ADCY3: variants seen among roughly 807,000 people sequenced by gnomAD.
ADCY3 encodes adenylate cyclase 3.
In ADCY3, 70 loss-of-function variants were observed where a neutral mutation model predicts 119.4. That is an observed-to-expected ratio of 0.59 (90% CI 0.48 to 0.72). The LOEUF (loss-of-function observed/expected upper bound fraction) is 0.72. Ranked by LOEUF, ADCY3 falls within the 30% of genes least tolerant of loss-of-function variation. ADCY3 has a pLI of 0.00. For missense variants in ADCY3, 1,238 were observed against 1,541.6 expected (o/e 0.80, Z 3.30); for synonymous variants, 672 against 621.4 (o/e 1.08, Z -1.21).
intron 3 of ADCY3, among the ~76,000 whole-genome samples, chr2:24,864,548 G>C (rs1309335589): frequency 6.6e-6 from 1 of 152,226 alleles, no homozygotes; most frequent in African/African-American, 2.4e-5. Context: ...TAACGGGAAA[G>C]AAATGCTGAT....
intron 3 of ADCY3, among the ~76,000 whole-genome samples, chr2:24,858,176 G>GT (rs1023439279): frequency 2.8e-5 from 4 of 141,588 alleles, no homozygotes; most frequent in Admixed American, 1.4e-4. Flanking sequence ...TTTTTTTTAA[G>GT]TTTTTTTGTA....
chr2:24,894,607 T>C (rs1284769580), intron 2 of ADCY3, among the ~76,000 whole-genome samples: 1 of 152,206 alleles, frequency 6.6e-6, no homozygotes, highest in Non-Finnish European at 1.5e-5. Context: ...CCAAAGTACC[T>C]TGTTTATATT....
intron 3 of ADCY3, among the ~76,000 whole-genome samples, chr2:24,864,681 G>A (rs1392798093): frequency 6.6e-6 from 1 of 152,218 alleles, no homozygotes; most frequent in Admixed American, 6.5e-5. Context: ...CAGAGACACA[G>A]TAGAACAGTG....
intron 2 of ADCY3, among the ~76,000 whole-genome samples, chr2:24,906,814 C>A (rs745327569): frequency 2.0e-5 from 3 of 152,334 alleles, no homozygotes; most frequent in East Asian, 3.9e-4. Flanking sequence ...GGTGACCAGG[C>A]CTTGAGCAAT....
chr2:24,915,246 C>A (rs984575231), intron 2 of ADCY3, among the ~76,000 whole-genome samples: 1 of 152,204 alleles, frequency 6.6e-6, no homozygotes, highest in Non-Finnish European at 1.5e-5. Flanking sequence ...GAGTCCCCAG[C>A]CAGAGCCGAC....
At chr2:24,825,779 T>G in intron 16 of ADCY3, 1 of 502,364 alleles carries the variant, frequency 2.0e-6, no homozygotes, top group South Asian at 2.5e-5. Flanking sequence ...TGTTTGTGCC[T>G]TCACTCTATC....
At chr2:24,904,181 A>G (rs562956044) in intron 2 of ADCY3, among the ~76,000 whole-genome samples, 1 of 152,070 alleles carries the variant, frequency 6.6e-6, no homozygotes, top group Non-Finnish European at 1.5e-5. Flanking sequence ...GAGAGAGAGA[A>G]AGAAAGAGAG....
chr2:24,852,239 A>G (rs1170554617), intron 3 of ADCY3, among the ~76,000 whole-genome samples: 1 of 152,100 alleles, frequency 6.6e-6, no homozygotes, highest in Non-Finnish European at 1.5e-5. Context: ...TGTGTCTCCC[A>G]GCACCCCGGT....
chr2:24,874,026 C>T (rs1234126485), intron 2 of ADCY3, among the ~76,000 whole-genome samples: 1 of 152,182 alleles, frequency 6.6e-6, no homozygotes, highest in African/African-American at 2.4e-5. Context: ...GTCTAACAGA[C>T]AACAAGGGAA....
intron 2 of ADCY3, among the ~76,000 whole-genome samples, chr2:24,876,324 G>A (rs560574565): frequency 8.5e-5 from 13 of 152,244 alleles, no homozygotes; most frequent in Admixed American, 2.0e-4. Flanking sequence ...AGATAGTCAC[G>A]AAGATACTAG....
At chr2:24,897,972 T>C (rs180889112) in intron 2 of ADCY3, among the ~76,000 whole-genome samples, 100 of 152,282 alleles carry the variant, frequency 6.6e-4, no homozygotes, top group African/African-American at 2.4e-3. Context: ...TCCAAAGCTT[T>C]CAATGGCTGT....
chr2:24,820,302 G>A (rs1422108364), intron 21 of ADCY3, 188 bp from the exon 22 acceptor site: 2 of 1,306,824 alleles, frequency 1.5e-6, no homozygotes, highest in East Asian at 2.9e-5. Context: ...GAGAACCCTG[G>A]AGTGACTGGC....
At chr2:24,827,044 A>G (rs892332033) in intron 15 of ADCY3, among the ~76,000 whole-genome samples, 2 of 152,302 alleles carry the variant, frequency 1.3e-5, no homozygotes, top group African/African-American at 2.4e-5. Context: ...GCTAAGGGCT[A>G]TGCAGGTTTT....
At position 24,918,697 on chromosome 2, in the gene ADCY3, A is replaced by G. The variant is rs1352539587; in HGVS notation, c.291T>C (p.Ala97=). 4 of 1,613,966 alleles carry G rather than the reference A, an allele frequency of 2.5e-6. No individual in the cohort carries two copies. In the East Asian group the frequency reaches 8.9e-5, roughly 36 times the overall value. ...CCAGCTTGTCGCTGGAGAAGACCACAGCACACATGACCACCACGTAGCAGT... is the reference window on the plus strand; with the variant it reads ...CCAGCTTGTCGCTGGAGAAGACCACGGCACACATGACCACCACGTAGCAGT... ...LFDCYVVVMC[A]VVFSSDKLAS... The change falls in exon 2 of 22, where the codon GCT becomes GCC. Residue 97 remains alanine (A), a synonymous_variant. Transcript: ENST00000679454. This position sits in a 1 kb window ranked among gnomAD's most constrained non-coding sequence, Gnocchi z 5.4.
chr2:24,891,323 A>G, intron 2 of ADCY3, among the ~76,000 whole-genome samples: 1 of 152,230 alleles, frequency 6.6e-6, no homozygotes, highest in Non-Finnish European at 1.5e-5. Context: ...TAGTGTGATG[A>G]ACTCTAGTAC....
intron 2 of ADCY3, among the ~76,000 whole-genome samples, chr2:24,903,297 C>T (rs1261027148): frequency 6.6e-6 from 1 of 152,120 alleles, no homozygotes; most frequent in Non-Finnish European, 1.5e-5. Flanking sequence ...GTTGTTATTC[C>T]CCTTTTTCAT....
chr2:24,850,141 C>A (rs895813903), intron 3 of ADCY3, among the ~76,000 whole-genome samples: 1 of 152,054 alleles, frequency 6.6e-6, no homozygotes, highest in African/African-American at 2.4e-5. Context: ...TCCAGAGAGC[C>A]CCTGGCCCCT....
intron 7 of ADCY3, chr2:24,838,979 G>GT (rs1670669171): frequency 1.7e-5 from 20 of 1,191,498 alleles, no homozygotes; most frequent in Non-Finnish European, 2.2e-5. Context: ...GTCTTGTTCT[G>GT]TCGCCCAGGA....
At chr2:24,897,824 G>T (rs1164238864) in intron 2 of ADCY3, among the ~76,000 whole-genome samples, 1 of 152,062 alleles carries the variant, frequency 6.6e-6, no homozygotes, top group Non-Finnish European at 1.5e-5. Flanking sequence ...TCCTATACCC[G>T]CTTCGGTGGC....
Sources: allele counts gnomAD v4.1 joint callset (sites outside exome capture counted in the v4.1 genomes callset), GRCh38; gene constraint gnomAD v4.1.1; non-coding constraint Gnocchi (gnomAD v3.1); transcripts MANE v1.5; gene names NCBI Gene and HGNC (gene_info 2026-07-23, HGNC 2026-07-21).